The following PPP2R2B variants were observed in gnomAD, a reference collection of about 807,000 sequenced individuals.
PPP2R2B encodes protein phosphatase 2 regulatory subunit Bbeta.
In PPP2R2B, 5 loss-of-function variants were observed where a neutral mutation model predicts 46.0. The ratio of observed to expected loss-of-function variants is 0.11; its 90% CI spans 0.06 to 0.23. PPP2R2B has a LOEUF of 0.23. Among genes scored for constraint, PPP2R2B ranks in the 10% least tolerant of loss-of-function variants. PPP2R2B has a pLI of 1.00. For missense variants in PPP2R2B, 367 were observed against 575.0 expected (o/e 0.64, Z 3.70); for synonymous variants, 215 against 206.7 (o/e 1.04, Z -0.34).
At chr5:146,871,580 T>C (rs319220) in intron 2 of PPP2R2B, among the ~76,000 whole-genome samples, 33,582 of 152,174 alleles carry the variant, frequency 0.22, 4,984 homozygotes, top group African/African-American at 0.4. Flanking sequence ...GAATTCAGCT[T>C]CCTCCCTGTG....
chr5:146,625,006 C>T (rs538446732), intron 7 of PPP2R2B, among the ~76,000 whole-genome samples: 1 of 152,310 alleles, frequency 6.6e-6, no homozygotes, highest in South Asian at 2.1e-4. Context: ...CAATAAAGTG[C>T]TGCAAGGGCA....
rs78125026 is a variant in PPP2R2B at position 146,903,287 on chromosome 5, C to A, written c.79+152378G>T. ...ATTAAAGAACTTTGAGGTTCTCAAT[C>A]ATTTTTAAGGTTATAAGGTGGTCCT... On this transcript the variant is annotated intron_variant, in intron 1 of 8. Transcript: ENST00000336640. Among the ~76,000 whole-genome samples, 1,298 of 151,884 alleles carry A rather than the reference C, an allele frequency of 8.5e-3. 23 individuals are homozygous for A. The highest frequency in any genetic ancestry group is 0.03 in the African/African-American group (1,253 of 41,456).
At chr5:147,005,443 C>A (rs1246460406) in intron 1 of PPP2R2B, among the ~76,000 whole-genome samples, 2 of 152,196 alleles carry the variant, frequency 1.3e-5, no homozygotes, top group African/African-American at 4.8e-5. Flanking sequence ...CTTATCTAAT[C>A]CTACATGCCC....
intron 1 of PPP2R2B, among the ~76,000 whole-genome samples, chr5:146,968,860 A>C (rs1470313140): frequency 6.6e-6 from 1 of 152,260 alleles, no homozygotes; most frequent in East Asian, 1.9e-4. Flanking sequence ...AAAAGTATAG[A>C]TTATAGTACA....
At chr5:146,898,956 T>A (rs4400172) in intron 1 of PPP2R2B, among the ~76,000 whole-genome samples, 59,186 of 129,788 alleles carry the variant, frequency 0.46, 16,067 homozygotes, top group African/African-American at 0.73. Context: ...AATGGCAATC[T>A]TTAAAAAGTC....
chr5:147,050,206 G>T (rs1418025211), intron 1 of PPP2R2B, among the ~76,000 whole-genome samples: 1 of 152,166 alleles, frequency 6.6e-6, no homozygotes, highest in Non-Finnish European at 1.5e-5. Context: ...AACAATGTAA[G>T]GTTTTTGTCT....
chr5:146,955,980 C>A (rs1032494831), intron 1 of PPP2R2B, among the ~76,000 whole-genome samples: 8 of 151,442 alleles, frequency 5.3e-5, no homozygotes, highest in African/African-American at 1.7e-4. Flanking sequence ...GGTTTCACCA[C>A]GTTGGTCAGG....
At chr5:146,919,569 C>G (rs1763518511) in intron 1 of PPP2R2B, 1 of 152,214 alleles carries the variant, frequency 6.6e-6, no homozygotes, top group Admixed American at 6.5e-5. Context: ...ACAGACCACC[C>G]AGCTGAGACA....
chr5:146,854,841 G>A (rs548568476), intron 2 of PPP2R2B, among the ~76,000 whole-genome samples: 2 of 152,228 alleles, frequency 1.3e-5, no homozygotes, highest in East Asian at 1.9e-4. Flanking sequence ...GTGAAAAGCA[G>A]GTATTTATCC....
exon 1 of PPP2R2B, chr5:147,055,763 A>C (rs771535389): frequency 6.3e-7 from 1 of 1,591,958 alleles, no homozygotes; most frequent in South Asian, 1.1e-5. Flanking sequence ...AAAAAATAAA[A>C]ATCTAAATAA....
At chr5:147,011,232 C>T (rs1754715950) in intron 1 of PPP2R2B, among the ~76,000 whole-genome samples, 1 of 152,110 alleles carries the variant, frequency 6.6e-6, no homozygotes, top group African/African-American at 2.4e-5. Context: ...CTCATCTACT[C>T]CATGTCTTTG....
At chr5:146,606,561 G>A (rs759811073) in intron 7 of PPP2R2B, among the ~76,000 whole-genome samples, 1 of 152,208 alleles carries the variant, frequency 6.6e-6, no homozygotes, top group African/African-American at 2.4e-5. Context: ...GAATCACTTA[G>A]CAAAGCGTCT....
intron 1 of PPP2R2B, among the ~76,000 whole-genome samples, chr5:146,902,835 G>C (rs1762878477): frequency 6.6e-6 from 1 of 151,668 alleles, no homozygotes; most frequent in Non-Finnish European, 1.5e-5. Flanking sequence ...TTGCTACACT[G>C]GAATCAGTTT....
intron 2 of PPP2R2B, among the ~76,000 whole-genome samples, chr5:146,753,276 G>A (rs144980673): frequency 6.6e-6 from 1 of 152,320 alleles, no homozygotes; most frequent in African/African-American, 2.4e-5. Flanking sequence ...TGGTACACAA[G>A]AAGTGCAAAA....
intron 2 of PPP2R2B, among the ~76,000 whole-genome samples, chr5:146,853,999 A>G (rs1466097430): frequency 6.6e-6 from 1 of 152,032 alleles, no homozygotes; most frequent in African/African-American, 2.4e-5. Flanking sequence ...GTTGTCCTGT[A>G]TGTGTCCCCT....
At chr5:146,817,549 C>T (rs148079219) in intron 2 of PPP2R2B, among the ~76,000 whole-genome samples, 1 of 152,018 alleles carries the variant, frequency 6.6e-6, no homozygotes, top group Non-Finnish European at 1.5e-5. Context: ...TATTGTGAGC[C>T]TTTTCCCTTT....
chr5:146,658,667 C>G (rs532285150), intron 5 of PPP2R2B, among the ~76,000 whole-genome samples: 63 of 152,174 alleles, frequency 4.1e-4, no homozygotes, highest in African/African-American at 1.5e-3. Context: ...TCAGGAGTAC[C>G]CACAGCCTAG....
At chr5:146,664,472 G>C (rs1264951166) in intron 5 of PPP2R2B, among the ~76,000 whole-genome samples, 1 of 151,700 alleles carries the variant, frequency 6.6e-6, no homozygotes, top group Non-Finnish European at 1.5e-5. Context: ...TTACCATGAG[G>C]CTGCAGCAAT....
chr5:146,798,754 GA>G (rs1414623512), intron 2 of PPP2R2B, among the ~76,000 whole-genome samples: 1 of 152,138 alleles, frequency 6.6e-6, no homozygotes, highest in Non-Finnish European at 1.5e-5. Context: ...TCAATAACTT[GA>G]TGAGGTAGGC....
Sources: gnomAD v4.1 joint callset for allele counts (sites outside exome capture counted in the v4.1 genomes callset) on GRCh38, gnomAD v4.1.1 for gene constraint, MANE v1.5 for transcripts, NCBI Gene and HGNC (gene_info 2026-07-23, HGNC 2026-07-21) for gene names.